The following EIF3H variants were observed in gnomAD, a reference collection of about 807,000 sequenced individuals.
EIF3H encodes eIF-3-gamma.
In EIF3H, 26 loss-of-function variants were observed where a neutral mutation model predicts 44.2. That is an observed-to-expected ratio of 0.59 (90% CI 0.43 to 0.82). EIF3H has a LOEUF of 0.82. EIF3H is among the 40% of genes least tolerant of loss of function. The probability of loss-of-function intolerance (pLI) is 0.00; values close to 1 mark genes in which losing one functional copy is unlikely to be tolerated. For missense variants in EIF3H, 359 were observed against 432.8 expected (o/e 0.83, Z 1.51); for synonymous variants, 166 against 151.9 (o/e 1.09, Z -0.68).
intron 1 of EIF3H, among the ~76,000 whole-genome samples, chr8:116,736,444 G>A (rs1586485144): frequency 6.6e-6 from 1 of 152,116 alleles, no homozygotes; most frequent in Non-Finnish European, 1.5e-5. Flanking sequence ...AGCGGATCAC[G>A]GGGTCAGGAG....
intron 1 of EIF3H, among the ~76,000 whole-genome samples, chr8:116,735,345 GA>G (rs908492778): frequency 1.3e-5 from 2 of 152,192 alleles, no homozygotes. Context: ...TGCGAAAGCA[GA>G]AAACAGTAAC....
At chr8:116,676,269 T>C (rs1464943664) in intron 2 of EIF3H, among the ~76,000 whole-genome samples, 17 of 152,260 alleles carry the variant, frequency 1.1e-4, no homozygotes, top group Admixed American at 1.1e-3. Flanking sequence ...GAACACGTAG[T>C]AGTCTGTTTT....
At position 116,643,379 on chromosome 8, in the gene EIF3H, ATAAT is replaced by A. The variant is rs1813252783; in HGVS notation, c.*1623_*1626del. On this transcript the variant is annotated 3_prime_UTR_variant, in exon 8 of 8. Transcript: ENST00000521861. ...CTATATCAAAGATTATCCTAAAGAA[ATAAT>A]TATATATGTGAGCAAGTACTTGGAT... The A allele has an allele frequency of 6.6e-6, 1 of 152,248 alleles. No homozygotes were observed. The highest frequency in any genetic ancestry group is 1.9e-4 in the East Asian group (1 of 5,204). 9.4% of individuals were successfully genotyped at this position (152,248 alleles called of 1,614,324 possible).
intron 2 of EIF3H, among the ~76,000 whole-genome samples, chr8:116,699,134 CAA>C (rs11358166): frequency 1.6e-3 from 223 of 142,030 alleles, no homozygotes; most frequent in Admixed American, 2.0e-3. Flanking sequence ...GAACCTGTCT[CAA>C]AAAAAAAAAA....
At chr8:116,740,941 A>C (rs574230360) in intron 1 of EIF3H, among the ~76,000 whole-genome samples, 1 of 152,168 alleles carries the variant, frequency 6.6e-6, no homozygotes, top group African/African-American at 2.4e-5. Flanking sequence ...GCAAAGATTA[A>C]AAAATAATCC....
At chr8:116,751,375 G>A (rs1815340957) in intron 1 of EIF3H, among the ~76,000 whole-genome samples, 1 of 152,174 alleles carries the variant, frequency 6.6e-6, no homozygotes, top group Non-Finnish European at 1.5e-5. Flanking sequence ...ATCCTACTTT[G>A]TGAATTAACA....
rs371998360 is a variant in EIF3H at position 116,750,141 on chromosome 8, G to A, written c.132+5525C>T. Among the ~76,000 whole-genome samples the A allele has an allele frequency of 2.0e-5, 3 of 152,394 alleles. No individual in the cohort carries two copies. The East Asian group carries it at 5.8e-4, about 29-fold the overall frequency. On this transcript the variant is annotated intron_variant, in intron 1 of 7. Coordinates refer to ENST00000521861, the MANE Select transcript of EIF3H (RefSeq NM_003756.3). Reference sequence around the variant, plus strand: ...TGCAATATACCCCAGCATGTAGCAGGGCTAGACCTGGCATGTGGTCGGCAA... The same window carrying A: ...TGCAATATACCCCAGCATGTAGCAGAGCTAGACCTGGCATGTGGTCGGCAA...
intron 2 of EIF3H, among the ~76,000 whole-genome samples, chr8:116,689,551 A>C (rs1455475895): frequency 2.0e-5 from 3 of 152,234 alleles, no homozygotes; most frequent in Admixed American, 2.0e-4. Flanking sequence ...TTTCTGAATT[A>C]AGTATATAAA....
chr8:116,740,210 T>C (rs745753107), intron 1 of EIF3H, among the ~76,000 whole-genome samples: 16 of 152,216 alleles, frequency 1.1e-4, no homozygotes, highest in Non-Finnish European at 2.2e-4. Flanking sequence ...ACTGAGCATT[T>C]AGACTACAGA....
At position 116,748,280 on chromosome 8, in the gene EIF3H, C is replaced by G. The variant is rs183039481; in HGVS notation, c.132+7386G>C. ...GTAGTGATAACATTTATCCCCAAAG[C>G]TGTTGTGAGGATCACAACATCTAAA... On this transcript the variant is annotated intron_variant, in intron 1 of 7. Coordinates refer to ENST00000521861, the MANE Select transcript of EIF3H (RefSeq NM_003756.3). 3.5e-3 allele frequency among the ~76,000 whole-genome samples: 536 copies of G among 152,226 alleles called. 1 individual carries two copies. Among genetic ancestry groups the G allele is most frequent in the Non-Finnish European group, 5.6e-3 (382 of 68,012 alleles).
chr8:116,675,638 A>T (rs1369411993), intron 2 of EIF3H, among the ~76,000 whole-genome samples: 2 of 152,206 alleles, frequency 1.3e-5, no homozygotes, highest in Non-Finnish European at 2.9e-5. Context: ...TTAGTCAAAT[A>T]AAACAGTGCT....
At chr8:116,695,153 C>T (rs1814247949) in intron 2 of EIF3H, among the ~76,000 whole-genome samples, 1 of 151,134 alleles carries the variant, frequency 6.6e-6, no homozygotes, top group Non-Finnish European at 1.5e-5. Flanking sequence ...ACTACAACCT[C>T]CACCACCATG....
At chr8:116,717,595 A>C (rs1006154391) in intron 2 of EIF3H, among the ~76,000 whole-genome samples, 12 of 152,082 alleles carry the variant, frequency 7.9e-5, no homozygotes, top group African/African-American at 2.9e-4. Flanking sequence ...AATAATGCCA[A>C]ATACTTAGAG....
At chr8:116,752,430 T>C (rs1815358190) in intron 1 of EIF3H, among the ~76,000 whole-genome samples, 1 of 152,058 alleles carries the variant, frequency 6.6e-6, no homozygotes, top group South Asian at 2.1e-4. Context: ...ACAGGTACTA[T>C]ACTAAACACT....
At chr8:116,675,506 T>C (rs989647770) in intron 2 of EIF3H, among the ~76,000 whole-genome samples, 3 of 152,194 alleles carry the variant, frequency 2.0e-5, no homozygotes, top group South Asian at 2.1e-4. Flanking sequence ...TCTTCCCAAG[T>C]TGTGGCAACC....
At chr8:116,665,939 C>G (rs1813657525) in intron 2 of EIF3H, among the ~76,000 whole-genome samples, 1 of 152,192 alleles carries the variant, frequency 6.6e-6, no homozygotes, top group Admixed American at 6.5e-5. Flanking sequence ...ATGGAGTACA[C>G]AAGTTTCTTA....
intron 2 of EIF3H, among the ~76,000 whole-genome samples, chr8:116,700,170 C>T (rs889167563): frequency 5.3e-5 from 8 of 152,108 alleles, no homozygotes; most frequent in African/African-American, 1.9e-4. Context: ...TTTAACAGTG[C>T]CAAGTTGCCA....
intron 2 of EIF3H, among the ~76,000 whole-genome samples, chr8:116,668,220 T>A (rs1272942275): frequency 2.0e-5 from 3 of 152,124 alleles, no homozygotes; most frequent in African/African-American, 7.2e-5. Context: ...GCTCATGAGG[T>A]GCTAAGAGAA....
rs536493736 is a variant in EIF3H at position 116,733,031 on chromosome 8, C to T, written c.133-6859G>A. On this transcript the variant is annotated intron_variant, in intron 1 of 7. Transcript: ENST00000521861. ...GATGCCAATCCCAAATCCAGGCCTC[C>T]AGTACTTCTGACCAACCAGTTATAA... 5.9e-5 allele frequency among the ~76,000 whole-genome samples: 9 copies of T among 152,274 alleles called. 1 individual carries two copies. In the South Asian group the frequency reaches 1.9e-3, roughly 32 times the overall value.
Sources: gnomAD v4.1 joint callset for allele counts (sites outside exome capture counted in the v4.1 genomes callset) on GRCh38, gnomAD v4.1.1 for gene constraint, MANE v1.5 for transcripts, NCBI Gene and HGNC (gene_info 2026-07-23, HGNC 2026-07-21) for gene names.